The following NDST3 variants were observed in gnomAD, a reference collection of about 807,000 sequenced individuals.
The protein encoded by NDST3 is bifunctional heparan sulfate N-deacetylase/N-sulfotransferase 3.
Under a neutral mutation model 96.1 loss-of-function variants are expected in NDST3, and 58 were observed. The observed-to-expected ratio is 0.60, with a 90% CI of 0.49 to 0.75. The LOEUF (loss-of-function observed/expected upper bound fraction) is 0.75. NDST3 is among the 30% of genes least tolerant of loss of function. The pLI is 0.00. For missense variants in NDST3, 788 were observed against 1,034.2 expected (o/e 0.76, Z 3.27); for synonymous variants, 333 against 359.7 (o/e 0.93, Z 0.84).
rs11945921 is a variant in NDST3 at position 118,165,524 on chromosome 4, A to T, written c.1539+21840A>T. Among the ~76,000 whole-genome samples the T allele has an allele frequency of 5.7e-3, 866 of 152,146 alleles. 11 individuals carry two copies. The highest frequency in any genetic ancestry group is 0.02 in the African/African-American group (833 of 41,556). On this transcript the variant is annotated intron_variant, in intron 6 of 13. Coordinates refer to ENST00000296499, the MANE Select transcript of NDST3 (RefSeq NM_004784.3). Reference sequence around the variant, plus strand: ...CAACAATAGAACACTTAGACCAAAAATCAATAAGAAAACAATACTTGAACA... The same window carrying T: ...CAACAATAGAACACTTAGACCAAAATTCAATAAGAAAACAATACTTGAACA...
chr4:118,171,253 C>T (rs935403645), intron 6 of NDST3, among the ~76,000 whole-genome samples: 2 of 152,132 alleles, frequency 1.3e-5, no homozygotes, highest in African/African-American at 4.8e-5. Flanking sequence ...CTCACTACCC[C>T]CAAAAAGGCC....
At chr4:118,181,368 A>C (rs1475653525) in intron 6 of NDST3, among the ~76,000 whole-genome samples, 1 of 152,292 alleles carries the variant, frequency 6.6e-6, no homozygotes. Flanking sequence ...AGGAAATGGA[A>C]AGAACAGATC....
chr4:118,234,655 T>C (rs1740521121), intron 9 of NDST3, among the ~76,000 whole-genome samples: 1 of 152,062 alleles, frequency 6.6e-6, no homozygotes, highest in Non-Finnish European at 1.5e-5. Context: ...AAAAAATTAT[T>C]GCAACAGTTA....
In NDST3 at chr4:118,160,002, G is replaced by A. The variant is rs919178674; in HGVS notation, c.1539+16318G>A. 7.2e-5 allele frequency among the ~76,000 whole-genome samples: 11 copies of A among 152,148 alleles called. No homozygotes were observed. The South Asian group carries it at 8.3e-4, about 11-fold the overall frequency. On this transcript the variant is annotated intron_variant, in intron 6 of 13. Transcript: ENST00000296499. ...AGAGAACAATGCAGAAAGCTTATTCGAAGAAATAATGGCCAAAACTTCCCA... is the reference window on the plus strand; with the variant it reads ...AGAGAACAATGCAGAAAGCTTATTCAAAGAAATAATGGCCAAAACTTCCCA...
chr4:118,226,781 C>G (rs1190634451), intron 7 of NDST3, 105 bp from the exon 8 acceptor site: 1 of 748,522 alleles, frequency 1.3e-6, no homozygotes, highest in Non-Finnish European at 2.2e-6. Context: ...ATTTTTTATC[C>G]CAGCGTTTCC....
chr4:118,168,350 G>A (rs1160105457), intron 6 of NDST3, among the ~76,000 whole-genome samples: 2 of 151,904 alleles, frequency 1.3e-5, no homozygotes, highest in Non-Finnish European at 2.9e-5. Flanking sequence ...GAATATAGAT[G>A]TTTAAAAAAG....
chr4:118,106,853 G>C (rs1730228774), intron 3 of NDST3, among the ~76,000 whole-genome samples: 1 of 152,142 alleles, frequency 6.6e-6, no homozygotes, highest in South Asian at 2.1e-4. Flanking sequence ...CACTTTGGGA[G>C]GCCGAGGCGG....
In NDST3 at chr4:118,055,611, A is replaced by C. The variant is rs182891607; in HGVS notation, c.981+720A>C. 2.0e-5 allele frequency: 3 copies of C among 152,112 alleles called. No homozygotes were observed. In the East Asian group the frequency reaches 5.8e-4, roughly 29 times the overall value. The allele number at this position is 152,112 out of a possible 1,614,324, so 9.4% of individuals were successfully genotyped here. A position where few individuals can be genotyped will look rare whatever the true frequency, so the allele number is the denominator to read the frequency against. On this transcript the variant is annotated intron_variant, in intron 2 of 13. Transcript: ENST00000296499. ...TATGAGTTGATTGTGTTACATAAACAGCTGATTGTTTACTATTAAAAAATT... is the reference window on the plus strand; with the variant it reads ...TATGAGTTGATTGTGTTACATAAACCGCTGATTGTTTACTATTAAAAAATT...
chr4:118,074,425 C>CA, intron 2 of NDST3, among the ~76,000 whole-genome samples: 1 of 152,296 alleles, frequency 6.6e-6, no homozygotes, highest in South Asian at 2.1e-4. Flanking sequence ...AATCTGGGTG[C>CA]TCTACTGTTA....
intron 6 of NDST3, among the ~76,000 whole-genome samples, chr4:118,178,630 G>T (rs1314499889): frequency 6.6e-6 from 1 of 152,006 alleles, no homozygotes; most frequent in African/African-American, 2.4e-5. Flanking sequence ...GTGAATAAAA[G>T]CTGCAGTGAA....
chr4:118,065,730 TC>T (rs1726259907), intron 2 of NDST3, among the ~76,000 whole-genome samples: 2 of 151,768 alleles, frequency 1.3e-5, no homozygotes. Context: ...TATTGGCCTT[TC>T]CCCCTTTGGA....
At chr4:118,034,108 A>G (rs1024301369), upstream of NDST3, among the ~76,000 whole-genome samples, 1 of 152,204 alleles carries the variant, frequency 6.6e-6, no homozygotes, top group Non-Finnish European at 1.5e-5. Flanking sequence ...AGACAATGGA[A>G]AGAAAAAAAC....
chr4:118,240,822 C>G, intron 11 of NDST3, 128 bp downstream of exon 11: 1 of 828,316 alleles, frequency 1.2e-6, no homozygotes, highest in Non-Finnish European at 1.8e-6. Flanking sequence ...AATAATGAGG[C>G]TATGGCAAAG....
intron 2 of NDST3, among the ~76,000 whole-genome samples, chr4:118,068,690 T>C (rs1275711093): frequency 6.6e-6 from 1 of 152,118 alleles, no homozygotes; most frequent in East Asian, 1.9e-4. Flanking sequence ...TGGGGAAACA[T>C]AGGTTTAAAT....
intron 5 of NDST3, among the ~76,000 whole-genome samples, chr4:118,140,183 C>A (rs1200026982): frequency 6.6e-6 from 1 of 152,168 alleles, no homozygotes; most frequent in African/African-American, 2.4e-5. Flanking sequence ...GTCATTCTTT[C>A]CACCTTGAGA....
At chr4:118,239,032 A>C (rs533242986) in intron 10 of NDST3, among the ~76,000 whole-genome samples, 8 of 152,330 alleles carry the variant, frequency 5.3e-5, no homozygotes, top group African/African-American at 1.7e-4. Flanking sequence ...ATGTTAAGAC[A>C]AACGTGGAAT....
At position 118,226,992 on chromosome 4, in the gene NDST3, T is replaced by C. The variant is rs1316524288; in HGVS notation, c.1819+10T>C. The C allele has an allele frequency of 6.4e-7, 1 of 1,568,694 alleles. No individual in the cohort carries two copies. The highest frequency in any genetic ancestry group is 1.4e-5 in the African/African-American group (1 of 73,618). On this transcript the variant is annotated intron_variant, in intron 8 of 13. Coordinates refer to ENST00000296499, the MANE Select transcript of NDST3 (RefSeq NM_004784.3). The stretch of plus-strand genomic sequence containing the variant: ...GGACCCCAGAAAACTGGTGAGAACT[T>C]TTTATGTTATGATTAACGAGTGTAA...
intron 12 of NDST3, among the ~76,000 whole-genome samples, chr4:118,252,726 A>C (rs1741827023): frequency 6.6e-6 from 1 of 152,198 alleles, no homozygotes; most frequent in Non-Finnish European, 1.5e-5. Context: ...CTCCGTCTCT[A>C]CTAAAAATAC....
At chr4:118,115,375 T>C (rs910868605) in intron 4 of NDST3, among the ~76,000 whole-genome samples, 1 of 152,190 alleles carries the variant, frequency 6.6e-6, no homozygotes, top group East Asian at 1.9e-4. Context: ...TAAGTATCAC[T>C]GGGAGTAGCC....
Sources: gnomAD v4.1 joint callset for allele counts (sites outside exome capture counted in the v4.1 genomes callset) on GRCh38, gnomAD v4.1.1 for gene constraint, MANE v1.5 for transcripts, NCBI Gene and HGNC (gene_info 2026-07-23, HGNC 2026-07-21) for gene names.